The following MSRA variants were observed in gnomAD, a reference collection of about 807,000 sequenced individuals.
MSRA encodes mitochondrial peptide methionine sulfoxide reductase.
Under a neutral mutation model 31.3 loss-of-function variants are expected in MSRA, and 54 were observed. The observed-to-expected ratio is 1.73, with a 90% CI of 1.39 to 2.17. The LOEUF is 2.17. Among genes scored for constraint, MSRA ranks in the 30% most tolerant of loss-of-function variants. The pLI is 0.00. For missense variants in MSRA, 507 were observed against 300.9 expected (o/e 1.69, Z -5.07); for synonymous variants, 169 against 116.5 (o/e 1.45, Z -2.90).
chr8:10,346,120 A>G (rs1451204813), intron 5 of MSRA, among the ~76,000 whole-genome samples: 2 of 152,188 alleles, frequency 1.3e-5, no homozygotes, highest in Non-Finnish European at 2.9e-5. Flanking sequence ...AAAGTTCCCT[A>G]AGGATACCAG....
intron 1 of MSRA, among the ~76,000 whole-genome samples, chr8:10,076,640 C>T (rs1264062140): frequency 2.6e-5 from 4 of 152,096 alleles, no homozygotes; most frequent in Non-Finnish European, 4.4e-5. Context: ...CTTTGCGGGG[C>T]AGTGAGCTCC....
In MSRA at chr8:10,111,639, C is replaced by A. The variant is rs142422759; in HGVS notation, c.142+56981C>A. Among the ~76,000 whole-genome samples the A allele has an allele frequency of 4.8e-3, 736 of 152,222 alleles. 2 individuals are homozygous for A. The highest frequency in any genetic ancestry group is 6.1e-3 in the Non-Finnish European group (413 of 68,018). On this transcript the variant is annotated intron_variant, in intron 1 of 5. Transcript: ENST00000317173. ...TATGAATGCCTAGGTATTTTGAGATCTTTCAGAAAATAGAAGGAATGGGAA... is the reference window on the plus strand; with the variant it reads ...TATGAATGCCTAGGTATTTTGAGATATTTCAGAAAATAGAAGGAATGGGAA...
chr8:10,207,912 A>G lies in MSRA; in HGVS notation c.211+11A>G. 1 of 1,608,050 alleles carries G rather than the reference A, an allele frequency of 6.2e-7. No homozygotes were observed. The highest frequency in any genetic ancestry group is 8.5e-7 in the Non-Finnish European group (1 of 1,176,276). Reference sequence around the variant, plus strand: ...AGATGGCTGTATTTGGTAAGATATCAATTCTGAAAGAAAACCCAAATTGTG... The same window carrying G: ...AGATGGCTGTATTTGGTAAGATATCGATTCTGAAAGAAAACCCAAATTGTG... On this transcript the variant is annotated intron_variant, in intron 2 of 5. Transcript: ENST00000317173.
rs543700731 is a variant in MSRA, at chr8:10,143,340, A to G, written c.143-64493A>G. Among the ~76,000 whole-genome samples the G allele has an allele frequency of 6.2e-4, 94 of 152,330 alleles. 1 individual carries two copies. The highest frequency in any genetic ancestry group is 9.8e-4 in the Non-Finnish European group (67 of 68,022). ...TGGCATCTTAATTTTAAGAGAACACAGAAAGCCAAATGCTTTCAGAAAAGG... is the reference window on the plus strand; with the variant it reads ...TGGCATCTTAATTTTAAGAGAACACGGAAAGCCAAATGCTTTCAGAAAAGG... On this transcript the variant is annotated intron_variant, in intron 1 of 5. Coordinates refer to ENST00000317173, the MANE Select transcript of MSRA (RefSeq NM_012331.5).
At chr8:10,074,450 A>C (rs1439164670) in intron 1 of MSRA, among the ~76,000 whole-genome samples, 1 of 152,072 alleles carries the variant, frequency 6.6e-6, no homozygotes, top group Non-Finnish European at 1.5e-5. Flanking sequence ...AGTGGGATGA[A>C]GTATGACCTG....
chr8:10,113,289 C>CTTTTTTTTTTTTTTTTTTTTTTTTTT lies in MSRA; in HGVS notation c.142+58633_142+58634insTTTTTTTTTTTTTTTTTTTTTTTTTT, dbSNP rs1467440154. ...AGGCATGGCTTTGGTGAAGACAGGT[C>CTTTTTTTTTTTTTTTTTTTTTTTTTT]TTCTTTTTTTTTTTTTTTTTTTTTT... On this transcript the variant is annotated intron_variant, in intron 1 of 5. Transcript: ENST00000317173. 2.0e-4 allele frequency among the ~76,000 whole-genome samples: 10 copies of CTTTTTTTTTTTTTTTTTTTTTTTTTT among 50,904 alleles called. 1 individual carries two copies. Among genetic ancestry groups the CTTTTTTTTTTTTTTTTTTTTTTTTTT allele is most frequent in the Admixed American group, 2.9e-4 (1 of 3,412 alleles). 33.4% of individuals were successfully genotyped at this position (50,904 alleles called of 152,430 possible). A position where few individuals can be genotyped will look rare whatever the true frequency, so the allele number is the denominator to read the frequency against.
chr8:10,179,687 G>T (rs531509786), intron 1 of MSRA, among the ~76,000 whole-genome samples: 71 of 152,312 alleles, frequency 4.7e-4, no homozygotes, highest in Non-Finnish European at 8.7e-4. Flanking sequence ...ACAGACCTGG[G>T]TTTATGTTCC....
chr8:10,111,595 G>C (rs148764792), intron 1 of MSRA, among the ~76,000 whole-genome samples: 16 of 152,208 alleles, frequency 1.1e-4, no homozygotes, highest in African/African-American at 3.6e-4. Context: ...TTATTTCCAA[G>C]TGGTTTAAAG....
At chr8:10,081,282 G>A (rs1375472449) in intron 1 of MSRA, among the ~76,000 whole-genome samples, 1 of 152,218 alleles carries the variant, frequency 6.6e-6, no homozygotes, top group Non-Finnish European at 1.5e-5. Flanking sequence ...GCATCCCATA[G>A]CTGACTTCTA....
intron 5 of MSRA, among the ~76,000 whole-genome samples, chr8:10,340,459 G>A (rs1372488518): frequency 1.3e-5 from 2 of 152,276 alleles, no homozygotes; most frequent in South Asian, 2.1e-4. Flanking sequence ...TGCAACCTTC[G>A]CCTCCCGGCT....
chr8:10,386,081 A>G (rs1355874222), intron 5 of MSRA, among the ~76,000 whole-genome samples: 4 of 152,190 alleles, frequency 2.6e-5, no homozygotes, highest in East Asian at 3.9e-4. Context: ...ATTTCTGAAC[A>G]TAGGGGCCAT....
chr8:10,324,202 C>T (rs1203456184), intron 5 of MSRA, among the ~76,000 whole-genome samples: 3 of 152,222 alleles, frequency 2.0e-5, no homozygotes, highest in Non-Finnish European at 4.4e-5. Flanking sequence ...CTCAGTTCCT[C>T]AGTGGCTAGT....
At chr8:10,113,434 G>GAAAC (rs1158062891) in intron 1 of MSRA, among the ~76,000 whole-genome samples, 1 of 151,104 alleles carries the variant, frequency 6.6e-6, no homozygotes, top group African/African-American at 2.4e-5. Flanking sequence ...AAGAGGAGGG[G>GAAAC]AAACAGCTTT....
At chr8:10,322,732 G>A (rs4498602) in intron 5 of MSRA, among the ~76,000 whole-genome samples, 84,034 of 151,864 alleles carry the variant, frequency 0.55, 23,619 homozygotes, top group African/African-American at 0.6. Flanking sequence ...ATTGGGAGTT[G>A]TCAACTTATA....
At chr8:10,239,679 G>C (rs561181126) in intron 2 of MSRA, among the ~76,000 whole-genome samples, 1 of 152,174 alleles carries the variant, frequency 6.6e-6, no homozygotes, top group South Asian at 2.1e-4. Context: ...TATATTCCCA[G>C]ATAAAAGTGT....
intron 3 of MSRA, among the ~76,000 whole-genome samples, chr8:10,295,825 G>T (rs1800509700): frequency 6.6e-6 from 1 of 152,126 alleles, no homozygotes; most frequent in African/African-American, 2.4e-5. Context: ...ATGGACTCTG[G>T]TGGACAAAGG....
chr8:10,169,123 C>T (rs996103428), intron 1 of MSRA, among the ~76,000 whole-genome samples: 1 of 152,184 alleles, frequency 6.6e-6, no homozygotes, highest in Non-Finnish European at 1.5e-5. Context: ...TGAAAACCTT[C>T]TAGGACATCA....
intron 1 of MSRA, among the ~76,000 whole-genome samples, chr8:10,089,658 C>T (rs1398570676): frequency 6.6e-6 from 1 of 152,190 alleles, no homozygotes; most frequent in African/African-American, 2.4e-5. Flanking sequence ...CTTCACAGTT[C>T]TGCAGGCTGT....
At chr8:10,194,392 C>G (rs943547959) in intron 1 of MSRA, among the ~76,000 whole-genome samples, 1 of 152,118 alleles carries the variant, frequency 6.6e-6, no homozygotes, top group Non-Finnish European at 1.5e-5. Context: ...CATGGTGAAA[C>G]CTGTCTCTAC....
Sources: allele counts gnomAD v4.1 joint callset (sites outside exome capture counted in the v4.1 genomes callset), GRCh38; gene constraint gnomAD v4.1.1; transcripts MANE v1.5; gene names NCBI Gene and HGNC (gene_info 2026-07-23, HGNC 2026-07-21).